PDGFC: variants seen among roughly 807,000 people sequenced by gnomAD.
PDGFC encodes the protein platelet-derived growth factor C.
PDGFC carries 12 observed loss-of-function variants against 35.5 expected under a neutral mutation model. The observed-to-expected ratio is 0.34, with a 90% CI of 0.22 to 0.55. The LOEUF is 0.55. Among genes scored for constraint, PDGFC ranks in the 20% least tolerant of loss-of-function variants. PDGFC has a pLI of 0.91. For synonymous variants in PDGFC, 159 were observed against 148.8 expected (o/e 1.07, Z -0.50); for missense variants, 322 against 412.4 (o/e 0.78, Z 1.90).
chr4:156,821,650 C>T lies in PDGFC; in HGVS notation c.315-10633G>A, dbSNP rs571000931. On this transcript the variant is annotated intron_variant, in intron 2 of 5. Transcript: ENST00000502773. ...GCAATCTCTGCCTCCTGGCTTCAAGCGATTCCGGTTCCTCAGCCTCTGGCG... is the reference window on the plus strand; with the variant it reads ...GCAATCTCTGCCTCCTGGCTTCAAGTGATTCCGGTTCCTCAGCCTCTGGCG... Among the ~76,000 whole-genome samples the T allele has an allele frequency of 1.4e-4, 21 of 152,226 alleles. No individual in the cohort carries two copies. The South Asian group carries it at 3.3e-3, about 24-fold the overall frequency.
intron 1 of PDGFC, among the ~76,000 whole-genome samples, chr4:156,934,401 TTCC>T (rs1224985725): frequency 6.6e-6 from 1 of 152,200 alleles, no homozygotes; most frequent in Non-Finnish European, 1.5e-5. Flanking sequence ...CTGTATAGAG[TTCC>T]TACCATGAAC....
At chr4:156,901,192 T>C (rs1730773332) in intron 1 of PDGFC, among the ~76,000 whole-genome samples, 1 of 152,140 alleles carries the variant, frequency 6.6e-6, no homozygotes, top group Admixed American at 6.5e-5. Context: ...CAGATCAGTA[T>C]CCATATGAGG....
chr4:156,935,125 G>A (rs1448149560), intron 1 of PDGFC, among the ~76,000 whole-genome samples: 1 of 152,074 alleles, frequency 6.6e-6, no homozygotes, highest in Non-Finnish European at 1.5e-5. Context: ...AGCCTCCCGA[G>A]TGGCTGGGAC....
At chr4:156,919,152 A>C (rs1731217239) in intron 1 of PDGFC, among the ~76,000 whole-genome samples, 1 of 152,208 alleles carries the variant, frequency 6.6e-6, no homozygotes, top group African/African-American at 2.4e-5. Context: ...TTATAGAAGG[A>C]TATCTGAATA....
intron 1 of PDGFC, among the ~76,000 whole-genome samples, chr4:156,918,755 C>A (rs1731206543): frequency 6.6e-6 from 1 of 152,148 alleles, no homozygotes; most frequent in South Asian, 2.1e-4. Flanking sequence ...TGAAACTGAT[C>A]CCTGGTGCCA....
chr4:156,776,845 T>C (rs929970899), intron 3 of PDGFC, among the ~76,000 whole-genome samples: 1 of 152,268 alleles, frequency 6.6e-6, no homozygotes, highest in South Asian at 2.1e-4. Context: ...ATAATCAATC[T>C]GTGCCTCAGT....
At chr4:156,855,828 A>G (rs1729561423) in intron 1 of PDGFC, among the ~76,000 whole-genome samples, 1 of 152,150 alleles carries the variant, frequency 6.6e-6, no homozygotes, top group African/African-American at 2.4e-5. Flanking sequence ...AACAACTGTT[A>G]GTTAAAATCA....
At chr4:156,779,069 T>C (rs1730910598) in intron 3 of PDGFC, 1 of 450,814 alleles carries the variant, frequency 2.2e-6, no homozygotes, top group South Asian at 1.6e-5. Flanking sequence ...CAAACTGATA[T>C]ATTGTACAGA....
chr4:156,878,948 T>C (rs1163050493), intron 1 of PDGFC, among the ~76,000 whole-genome samples: 2 of 152,206 alleles, frequency 1.3e-5, no homozygotes, highest in South Asian at 2.1e-4. Flanking sequence ...CTTGACACTT[T>C]ATAGGTCCTA....
intron 2 of PDGFC, among the ~76,000 whole-genome samples, chr4:156,832,788 T>C (rs2111027919): frequency 6.6e-6 from 1 of 152,312 alleles, no homozygotes; most frequent in South Asian, 2.1e-4. Flanking sequence ...GGCCGACTTT[T>C]CCAATATGTC....
chr4:156,949,627 G>T (rs1365637803), intron 1 of PDGFC, among the ~76,000 whole-genome samples: 1 of 151,882 alleles, frequency 6.6e-6, no homozygotes, highest in African/African-American at 2.4e-5. Context: ...ATTGTTTGGG[G>T]AGGACTGGTA....
chr4:156,798,085 G>A (rs924055759), intron 3 of PDGFC, among the ~76,000 whole-genome samples: 9 of 152,074 alleles, frequency 5.9e-5, no homozygotes, highest in Non-Finnish European at 1.2e-4. Flanking sequence ...CCGGCTACTC[G>A]GGAGGCTGAG....
At chr4:156,861,816 T>C (rs1729716789) in intron 1 of PDGFC, among the ~76,000 whole-genome samples, 2 of 152,188 alleles carry the variant, frequency 1.3e-5, no homozygotes, top group African/African-American at 2.4e-5. Context: ...CTAATAGCTA[T>C]TGAGTATCTA....
chr4:156,918,057 A>C (rs985206976), intron 1 of PDGFC, among the ~76,000 whole-genome samples: 1 of 152,204 alleles, frequency 6.6e-6, no homozygotes, highest in African/African-American at 2.4e-5. Flanking sequence ...CTTTTGCACT[A>C]ACCTAATACT....
chr4:156,929,879 T>C (rs554797629), intron 1 of PDGFC, among the ~76,000 whole-genome samples: 168 of 152,240 alleles, frequency 1.1e-3, no homozygotes, highest in African/African-American at 3.7e-3. Flanking sequence ...CCAGAACTTG[T>C]AGTGTCCTGA....
At chr4:156,815,579 A>AT (rs1205908935) in intron 2 of PDGFC, among the ~76,000 whole-genome samples, 1 of 152,222 alleles carries the variant, frequency 6.6e-6, no homozygotes, top group Non-Finnish European at 1.5e-5. Context: ...CAAGAAGAGA[A>AT]TGAAGAGAGA....
intron 1 of PDGFC, among the ~76,000 whole-genome samples, chr4:156,905,826 A>G (rs184457826): frequency 6.6e-6 from 1 of 152,194 alleles, no homozygotes; most frequent in African/African-American, 2.4e-5. Flanking sequence ...TCTACACGCA[A>G]GACCTACATT....
At chr4:156,767,458 A>G (rs921084613) in intron 5 of PDGFC, among the ~76,000 whole-genome samples, 4 of 151,924 alleles carry the variant, frequency 2.6e-5, no homozygotes, top group Non-Finnish European at 5.9e-5. Flanking sequence ...CATATTTTGA[A>G]AAGTTTAAAA....
intron 3 of PDGFC, among the ~76,000 whole-genome samples, chr4:156,790,151 C>T (rs1176194677): frequency 6.6e-6 from 1 of 152,112 alleles, no homozygotes; most frequent in African/African-American, 2.4e-5. Context: ...GTGTATGTAT[C>T]TGTAAGACAG....
Sources: allele counts gnomAD v4.1 joint callset (sites outside exome capture counted in the v4.1 genomes callset), GRCh38; gene constraint gnomAD v4.1.1; transcripts MANE v1.5; gene names NCBI Gene and HGNC (gene_info 2026-07-23, HGNC 2026-07-21).